HS6ST1: variants seen among roughly 807,000 people sequenced by gnomAD.
The protein encoded by HS6ST1 is heparan-sulfate 6-O-sulfotransferase 1.
In HS6ST1, 3 loss-of-function variants were observed where a neutral mutation model predicts 25.2. That is an observed-to-expected ratio of 0.12 (90% confidence interval 0.05 to 0.31). HS6ST1 has a LOEUF of 0.31. Among genes scored for constraint, HS6ST1 ranks in the 10% least tolerant of loss-of-function variants. The pLI is 1.00. For synonymous variants in HS6ST1, 204 were observed against 275.1 expected (o/e 0.74, Z 2.56); for missense variants, 310 against 609.6 (o/e 0.51, Z 5.18).
At chr2:128,280,335 C>A (rs1693766563) in intron 1 of HS6ST1, among the ~76,000 whole-genome samples, 1 of 152,266 alleles carries the variant, frequency 6.6e-6, no homozygotes, top group Non-Finnish European at 1.5e-5. Context: ...CAAGGCCGGG[C>A]TGGCTGTCCA....
chr2:128,289,784 A>G (rs2104923574), intron 1 of HS6ST1: 1 of 152,316 alleles, frequency 6.6e-6, no homozygotes, highest in East Asian at 1.9e-4. Context: ...AGCTGCCGGA[A>G]CAGACCTACC....
chr2:128,301,130 TGC>T (rs1438479531), intron 1 of HS6ST1, among the ~76,000 whole-genome samples: 1 of 152,080 alleles, frequency 6.6e-6, no homozygotes, highest in African/African-American at 2.4e-5. Context: ...TTCTGGGGGC[TGC>T]GTAGCTCTAG....
At chr2:128,295,298 C>T (rs1430297799) in intron 1 of HS6ST1, among the ~76,000 whole-genome samples, 1 of 152,218 alleles carries the variant, frequency 6.6e-6, no homozygotes, top group Admixed American at 6.5e-5. Flanking sequence ...GGGGGTACCA[C>T]TCCTCTCCGT....
chr2:128,312,312 T>A (rs1428228703), intron 1 of HS6ST1, among the ~76,000 whole-genome samples: 1 of 152,134 alleles, frequency 6.6e-6, no homozygotes, highest in Non-Finnish European at 1.5e-5. Flanking sequence ...TTCTCCACCT[T>A]CTCTGGGGCC....
intron 1 of HS6ST1, among the ~76,000 whole-genome samples, chr2:128,284,454 T>G (rs1573696088): frequency 6.6e-6 from 1 of 151,212 alleles, no homozygotes; most frequent in African/African-American, 2.4e-5. Context: ...TTGTCCCAGG[T>G]GCTGTGCACA....
chr2:128,297,449 A>G (rs1426173258), intron 1 of HS6ST1, among the ~76,000 whole-genome samples: 3 of 152,228 alleles, frequency 2.0e-5, no homozygotes, highest in African/African-American at 7.2e-5. Context: ...GCTTTATGAT[A>G]CTAGATTTGG....
At chr2:128,290,646 T>C (rs771369151) in intron 1 of HS6ST1, among the ~76,000 whole-genome samples, 8 of 151,926 alleles carry the variant, frequency 5.3e-5, no homozygotes, top group Non-Finnish European at 1.0e-4. Flanking sequence ...ACACTATTCA[T>C]AATAAAAACT....
intron 1 of HS6ST1, among the ~76,000 whole-genome samples, chr2:128,291,963 G>A (rs982177075): frequency 6.6e-6 from 1 of 152,196 alleles, no homozygotes; most frequent in East Asian, 1.9e-4. Context: ...TCTTCTCAAC[G>A]CCAGGGGAGA....
At chr2:128,288,142 G>A (rs867138438) in intron 1 of HS6ST1, among the ~76,000 whole-genome samples, 1 of 152,192 alleles carries the variant, frequency 6.6e-6, no homozygotes, top group Non-Finnish European at 1.5e-5. Flanking sequence ...CTGGCCAAGA[G>A]CTCTGGGGCT....
Position 128,318,273 on chromosome 2 carries a change from C to A in HS6ST1, c.291G>T (p.Thr97=), listed in dbSNP as rs768891596. The part of the protein sequence containing the change: ...DVIVFLHIQK[T]GGTTFGRHLV... ...GGTGGCGGCCGAAGGTGGTGCCGCC[C>A]GTCTTCTGGATGTGCAGGAAGACGA... Residue 97 remains threonine, a synonymous_variant, in exon 1 of 2, where the codon ACG becomes ACT. Coordinates refer to ENST00000259241, the MANE Select transcript of HS6ST1 (RefSeq NM_004807.3). This position sits in a 1 kb window ranked among gnomAD's most constrained non-coding sequence, Gnocchi z 5.7. 1.3e-5 allele frequency: 20 copies of A among 1,586,258 alleles called. No homozygotes were observed. The highest frequency in any genetic ancestry group is 9.5e-5 in the African/African-American group (7 of 73,650).
chr2:128,302,198 C>T (rs557324794), intron 1 of HS6ST1, among the ~76,000 whole-genome samples: 2 of 152,284 alleles, frequency 1.3e-5, no homozygotes, highest in Non-Finnish European at 2.9e-5. Flanking sequence ...AGAGGTGTAA[C>T]TAGGGGAGGA....
chr2:128,273,239 G>C (rs1176253813), intron 1 of HS6ST1, among the ~76,000 whole-genome samples: 1 of 152,226 alleles, frequency 6.6e-6, no homozygotes, highest in Non-Finnish European at 1.5e-5. Flanking sequence ...AGGCCCAATG[G>C]CTTACGCTGT....
chr2:128,273,271 T>C lies in HS6ST1; in HGVS notation c.528-4401A>G, dbSNP rs866502374. 5.9e-5 allele frequency among the ~76,000 whole-genome samples: 9 copies of C among 152,338 alleles called. No homozygotes were observed. In the South Asian group the frequency reaches 1.2e-3, roughly 21 times the overall value. The stretch of plus-strand genomic sequence containing the variant: ...CTGTCCCCACGGCTCCCTGTGCACC[T>C]TCTCTGCTCAGAACATTGCCATGCC... On this transcript the variant is annotated intron_variant, in intron 1 of 1. Transcript: ENST00000259241.
At chr2:128,275,558 T>A (rs553987297) in intron 1 of HS6ST1, among the ~76,000 whole-genome samples, 3 of 152,244 alleles carry the variant, frequency 2.0e-5, no homozygotes, top group African/African-American at 7.2e-5. Context: ...TGAATTACTT[T>A]AAAAAAATTA....
intron 1 of HS6ST1, among the ~76,000 whole-genome samples, chr2:128,283,887 G>A (rs966488003): frequency 6.6e-6 from 1 of 152,198 alleles, no homozygotes; most frequent in Non-Finnish European, 1.5e-5. Flanking sequence ...AAATGCAACT[G>A]ACTCCTGGGA....
intron 1 of HS6ST1, among the ~76,000 whole-genome samples, chr2:128,276,745 G>A (rs1337365875): frequency 6.6e-6 from 1 of 152,084 alleles, no homozygotes; most frequent in Non-Finnish European, 1.5e-5. Flanking sequence ...GTCTTGTAAA[G>A]CCAGAGCCTC....
intron 1 of HS6ST1, among the ~76,000 whole-genome samples, chr2:128,285,681 G>A (rs1350212473): frequency 6.6e-6 from 1 of 152,184 alleles, no homozygotes; most frequent in East Asian, 1.9e-4. Context: ...ACCCTGCCAG[G>A]CTGACTCCTG....
chr2:128,297,280 ACACT>A (rs1694054172), intron 1 of HS6ST1, among the ~76,000 whole-genome samples: 1 of 152,210 alleles, frequency 6.6e-6, no homozygotes, highest in Non-Finnish European at 1.5e-5. Flanking sequence ...TGGGGAAAAC[ACACT>A]CTTTTCAACA....
At chr2:128,277,505 TC>T (rs1205635839) in intron 1 of HS6ST1, among the ~76,000 whole-genome samples, 19 of 152,298 alleles carry the variant, frequency 1.2e-4, no homozygotes, top group African/African-American at 4.3e-4. Context: ...TGTGTGGCCA[TC>T]CCCGAGGCGC....
Sources: gnomAD v4.1 joint callset for allele counts (sites outside exome capture counted in the v4.1 genomes callset) on GRCh38, gnomAD v4.1.1 for gene constraint, Gnocchi (gnomAD v3.1) non-coding constraint, MANE v1.5 for transcripts, NCBI Gene and HGNC (gene_info 2026-07-23, HGNC 2026-07-21) for gene names.